ZNRF3: variants seen among roughly 807,000 people sequenced by gnomAD.
The protein encoded by ZNRF3 is E3 ubiquitin-protein ligase ZNRF3.
Under a neutral mutation model 72.5 loss-of-function variants are expected in ZNRF3, and 23 were observed. That is an observed-to-expected ratio of 0.32 (90% confidence interval 0.23 to 0.45). The LOEUF (loss-of-function observed/expected upper bound fraction) is 0.45. Among genes scored for constraint, ZNRF3 ranks in the 20% least tolerant of loss-of-function variants. The pLI is 1.00. For synonymous variants in ZNRF3, 610 were observed against 545.3 expected, an observed-to-expected ratio of 1.12 and a Z score of -1.65; for missense variants, 1,169 against 1,272.1, an observed-to-expected ratio of 0.92 and a Z score of 1.23.
At chr22:28,967,396 G>T (rs2035488839) in intron 1 of ZNRF3, among the ~76,000 whole-genome samples, 1 of 152,150 alleles carries the variant, frequency 6.6e-6, no homozygotes, top group Non-Finnish European at 1.5e-5. Flanking sequence ...TGTTTGCACA[G>T]TGACAAAATC....
At chr22:28,925,197 C>G (rs919323515) in intron 1 of ZNRF3, among the ~76,000 whole-genome samples, 35 of 152,128 alleles carry the variant, frequency 2.3e-4, no homozygotes, top group African/African-American at 7.5e-4. Flanking sequence ...GAGGTCCTTC[C>G]CAAGATCTTC....
At position 29,057,468 on chromosome 22, in the gene ZNRF3, A is replaced by G. The variant is rs1471960010; in HGVS notation, c.*3846A>G. ...ACACATGACTGTAAAAAAAAAATAC[A>G]ATTTTATCAAGTATGTGTTATATGT... is the stretch of plus-strand genomic sequence containing the variant. On this transcript the variant is annotated 3_prime_UTR_variant, in exon 9 of 9. Transcript: ENST00000544604. 6.6e-6 allele frequency: 1 copy of G among 152,114 alleles called. No homozygotes were observed. The highest frequency in any genetic ancestry group is 1.5e-5 in the Non-Finnish European group (1 of 68,018). The allele number at this position is 152,114 out of a possible 1,614,324, so 9.4% of individuals were successfully genotyped here.
intron 1 of ZNRF3, among the ~76,000 whole-genome samples, chr22:28,983,185 G>A (rs1221282828): frequency 6.6e-6 from 1 of 152,088 alleles, no homozygotes; most frequent in Non-Finnish European, 1.5e-5. Context: ...CTGATGTGTT[G>A]AGCTGCTAAC....
chr22:28,918,620 T>G (rs931609318), intron 1 of ZNRF3, among the ~76,000 whole-genome samples: 6 of 150,974 alleles, frequency 4.0e-5, no homozygotes, highest in African/African-American at 9.8e-5. Context: ...TCAAGAGAGA[T>G]AGTTAGAATA....
intron 1 of ZNRF3, among the ~76,000 whole-genome samples, chr22:28,933,526 A>G (rs577551548): frequency 2.0e-5 from 3 of 152,196 alleles, no homozygotes; most frequent in Non-Finnish European, 4.4e-5. Flanking sequence ...TCTGTTATCA[A>G]CAATTACTTG....
chr22:29,052,227 CCT>C (rs1218178389), intron 8 of ZNRF3, among the ~76,000 whole-genome samples: 2 of 152,170 alleles, frequency 1.3e-5, no homozygotes, highest in Non-Finnish European at 2.9e-5. Context: ...ACTGCTATCC[CCT>C]CAGTCCAGTC....
intron 2 of ZNRF3, among the ~76,000 whole-genome samples, chr22:29,022,755 A>G (rs1319103227): frequency 6.6e-5 from 10 of 152,214 alleles, no homozygotes; most frequent in Non-Finnish European, 1.3e-4. Context: ...CAATTGGTAT[A>G]TTTGAAAATA....
At chr22:28,898,511 G>A (rs998472324) in intron 1 of ZNRF3, among the ~76,000 whole-genome samples, 1 of 152,226 alleles carries the variant, frequency 6.6e-6, no homozygotes, top group Admixed American at 6.5e-5. Context: ...CAGCCTGACT[G>A]TAGACTTTTG....
At chr22:28,995,105 T>C (rs1211950727) in intron 2 of ZNRF3, among the ~76,000 whole-genome samples, 1 of 152,232 alleles carries the variant, frequency 6.6e-6, no homozygotes, top group Non-Finnish European at 1.5e-5. Flanking sequence ...CCTCTCTTCA[T>C]GACAAAGTGG....
chr22:28,912,627 C>T (rs992869016), intron 1 of ZNRF3, among the ~76,000 whole-genome samples: 5 of 151,440 alleles, frequency 3.3e-5, no homozygotes, highest in African/African-American at 1.2e-4. Flanking sequence ...CAAAGACCGT[C>T]CATCTAGGCT....
At chr22:29,011,004 A>G (rs964306172) in intron 2 of ZNRF3, among the ~76,000 whole-genome samples, 26 of 151,610 alleles carry the variant, frequency 1.7e-4, no homozygotes, top group African/African-American at 6.1e-4. Flanking sequence ...CACTTTATCC[A>G]TTTTTTCTTT....
intron 2 of ZNRF3, among the ~76,000 whole-genome samples, chr22:29,000,309 A>G (rs912005229): frequency 6.6e-6 from 1 of 152,194 alleles, no homozygotes; most frequent in African/African-American, 2.4e-5. Flanking sequence ...TTTCACATTA[A>G]CCTGTTGCTA....
chr22:28,942,796 C>G (rs752374440), intron 1 of ZNRF3, among the ~76,000 whole-genome samples: 4 of 152,132 alleles, frequency 2.6e-5, no homozygotes, highest in Non-Finnish European at 4.4e-5. Context: ...CCCTCAGATT[C>G]CCCTATTTAG....
chr22:28,918,648 T>C (rs5762893), intron 1 of ZNRF3, among the ~76,000 whole-genome samples: 11,481 of 152,098 alleles, frequency 0.075, 550 homozygotes, highest in African/African-American at 0.13. Context: ...CAAGCTTGCC[T>C]GGTGGCTGGA....
intron 1 of ZNRF3, among the ~76,000 whole-genome samples, chr22:28,971,001 T>C (rs1316545811): frequency 6.6e-6 from 1 of 152,062 alleles, no homozygotes; most frequent in Non-Finnish European, 1.5e-5. Flanking sequence ...AAATGATTAG[T>C]TTATTGTATA....
chr22:29,002,197 G>A (rs2036160265), intron 2 of ZNRF3, among the ~76,000 whole-genome samples: 1 of 152,208 alleles, frequency 6.6e-6, no homozygotes, highest in Non-Finnish European at 1.5e-5. Flanking sequence ...GGTTAAAAAT[G>A]TGGAAAGATG....
At position 29,048,316 on chromosome 22, in the gene ZNRF3, C is replaced by A. The variant is rs9620852; in HGVS notation, c.913-73C>A. The A allele has an allele frequency of 7.8e-7, 1 of 1,288,140 alleles. No individual in the cohort carries two copies. The highest frequency in any genetic ancestry group is 1.3e-5 in the South Asian group (1 of 77,354). The allele number at this position is 1,288,140 out of a possible 1,614,324, so 79.8% of individuals were successfully genotyped here. A position where few individuals can be genotyped will look rare whatever the true frequency, so the allele number is the denominator to read the frequency against. On this transcript the variant is annotated intron_variant, in intron 6 of 8. Coordinates refer to ENST00000544604, the MANE Select transcript of ZNRF3 (RefSeq NM_001206998.2). This position sits in a 1 kb window ranked among gnomAD's most constrained non-coding sequence, Gnocchi z 4.9. ...GGCATGCTGTGCAGAACTCCTTGGT[C>A]TATGCTGGACTCTGCAGGAGGACAC...
intron 2 of ZNRF3, among the ~76,000 whole-genome samples, chr22:29,013,171 C>T (rs1473543289): frequency 7.9e-5 from 12 of 152,174 alleles, no homozygotes; most frequent in Non-Finnish European, 1.5e-5. Flanking sequence ...AAGTCCTCAG[C>T]TTGCTCATGC....
At chr22:28,956,353 C>CT (rs61155224) in intron 1 of ZNRF3, among the ~76,000 whole-genome samples, 2,038 of 110,378 alleles carry the variant, frequency 0.018, 20 homozygotes, top group South Asian at 0.038. Flanking sequence ...TTTCCATTTC[C>CT]TTTTTTTTTT....
Sources: allele counts gnomAD v4.1 joint callset (sites outside exome capture counted in the v4.1 genomes callset), GRCh38; gene constraint gnomAD v4.1.1; non-coding constraint Gnocchi (gnomAD v3.1); transcripts MANE v1.5; gene names NCBI Gene and HGNC (gene_info 2026-07-23, HGNC 2026-07-21).